The following ARID1B variants were observed in gnomAD, a reference collection of about 807,000 sequenced individuals.
The protein encoded by ARID1B is AT-rich interactive domain-containing protein 1B.
In ARID1B, 30 loss-of-function variants were observed where a neutral mutation model predicts 212.3. The observed-to-expected ratio is 0.14, with a 90% CI of 0.11 to 0.19. The LOEUF is 0.19. ARID1B is among the 10% of genes least tolerant of loss of function. The pLI, the probability that ARID1B is intolerant of heterozygous loss-of-function variation, is 1.00. For synonymous variants in ARID1B, 1,402 were observed against 1,301.7 expected (o/e 1.08, Z -1.66); for missense variants, 2,891 against 3,204.0 (o/e 0.90, Z 2.36).
At chr6:157,197,689 T>A (rs571262253) in intron 16 of ARID1B, among the ~76,000 whole-genome samples, 3 of 152,350 alleles carry the variant, frequency 2.0e-5, no homozygotes, top group South Asian at 2.1e-4. Flanking sequence ...GTTTTGTTTC[T>A]GAGGGTCCAG....
intron 4 of ARID1B, among the ~76,000 whole-genome samples, chr6:156,981,357 A>G (rs1326347224): frequency 1.3e-5 from 2 of 152,234 alleles, no homozygotes; most frequent in Non-Finnish European, 2.9e-5. Flanking sequence ...TTCAGAAACA[A>G]AAAGGAGTTA....
intron 2 of ARID1B, among the ~76,000 whole-genome samples, chr6:156,837,373 A>G (rs1015931732): frequency 5.3e-5 from 8 of 152,240 alleles, no homozygotes; most frequent in Non-Finnish European, 4.4e-5. Context: ...TATATATTGA[A>G]CAACATTGGG....
At chr6:156,981,076 T>C (rs1777573574) in intron 4 of ARID1B, among the ~76,000 whole-genome samples, 1 of 152,210 alleles carries the variant, frequency 6.6e-6, no homozygotes, top group Non-Finnish European at 1.5e-5. Context: ...TGGAAAGGTA[T>C]TTCATTTCTT....
intron 4 of ARID1B, among the ~76,000 whole-genome samples, chr6:157,065,324 G>T (rs947034576): frequency 6.6e-6 from 1 of 152,146 alleles, no homozygotes; most frequent in Non-Finnish European, 1.5e-5. Flanking sequence ...TTGGCTCTGG[G>T]TATTAACTGG....
chr6:156,892,419 G>A (rs1331776625), intron 2 of ARID1B, among the ~76,000 whole-genome samples: 1 of 151,922 alleles, frequency 6.6e-6, no homozygotes, highest in Non-Finnish European at 1.5e-5. Flanking sequence ...TTTACATCTA[G>A]GTCTAAAGGC....
At chr6:156,953,558 ACT>A (rs1440955379) in intron 4 of ARID1B, among the ~76,000 whole-genome samples, 2 of 151,976 alleles carry the variant, frequency 1.3e-5, no homozygotes, top group Non-Finnish European at 2.9e-5. Flanking sequence ...TTTTTGTTTT[ACT>A]CTCTCTGTCT....
rs1164148507 is a variant in ARID1B, at chr6:157,174,084, A to G, written c.3312A>G (p.Glu1104=). 1.2e-6 allele frequency: 2 copies of G among 1,614,094 alleles called. No individual in the cohort carries two copies. Among genetic ancestry groups the G allele is most frequent in the African/African-American group, 1.3e-5 (1 of 74,932 alleles). Residue 1104 remains glutamate (E), a synonymous_variant, in exon 10 of 20, where the codon GAA becomes GAG. Coordinates refer to ENST00000636930, the MANE Select transcript of ARID1B (RefSeq NM_001374828.1). ...TGCCTCTCAAAGCAGACGGCAAAGAAGAAGGCACTCCACAGCCCGAGAGCA... is the reference window on the plus strand; with the variant it reads ...TGCCTCTCAAAGCAGACGGCAAAGAGGAAGGCACTCCACAGCCCGAGAGCA... The part of the protein sequence containing the change: ...LPLPLKADGK[E]EGTPQPESKS...
At chr6:156,895,667 T>C (rs890362050) in intron 2 of ARID1B, among the ~76,000 whole-genome samples, 1 of 152,118 alleles carries the variant, frequency 6.6e-6, no homozygotes, top group East Asian at 1.9e-4. Flanking sequence ...TTTAGACATA[T>C]AGAAAAGTAC....
At chr6:156,933,375 C>T (rs764725697) in intron 3 of ARID1B, among the ~76,000 whole-genome samples, 1 of 152,144 alleles carries the variant, frequency 6.6e-6, no homozygotes, top group African/African-American at 2.4e-5. Context: ...GGTGAAGGCC[C>T]CTGAATAGAG....
chr6:156,864,025 A>G (rs1785513969), intron 2 of ARID1B, among the ~76,000 whole-genome samples: 1 of 152,252 alleles, frequency 6.6e-6, no homozygotes, highest in African/African-American at 2.4e-5. Flanking sequence ...ATAATTTTCA[A>G]CCTATAACAG....
Position 157,148,822 on chromosome 6 carries a change from C to G in ARID1B, c.2960C>G (p.Thr987Ser). 2 of 1,613,002 alleles carry G rather than the reference C, an allele frequency of 1.2e-6. No individual in the cohort carries two copies. The highest frequency in any genetic ancestry group is 8.5e-7 in the Non-Finnish European group (1 of 1,179,900). Residue 987 changes from threonine to serine, a missense_variant, in exon 8 of 20, where the codon ACC (threonine) becomes AGC (serine). Physicochemically the swap from Thr to Ser is moderately conservative, Grantham distance 58. Transcript: ENST00000636930. This position sits in a 1 kb window ranked among gnomAD's most constrained non-coding sequence, Gnocchi z 5.6. ...TTTCCTGGAAATATGAGCAGCATGA[C>G]CCCCAGTTCTCCTGGCATGTCTCAG... ...RPFPGNMSSM[T>S]PSSPGMSQQG...
At chr6:156,936,258 C>CT (rs893398528) in intron 4 of ARID1B, 4 of 149,856 alleles carry the variant, frequency 2.7e-5, no homozygotes, top group African/African-American at 1.0e-4. Context: ...AGGAGAATCG[C>CT]TTGAACCCAG....
chr6:156,874,576 C>T (rs1786397689), intron 2 of ARID1B, among the ~76,000 whole-genome samples: 1 of 152,206 alleles, frequency 6.6e-6, no homozygotes. Flanking sequence ...TCTGCAGTCC[C>T]CTTTTCAGTG....
chr6:156,954,894 A>T (rs1351740306), intron 4 of ARID1B, among the ~76,000 whole-genome samples: 1 of 152,176 alleles, frequency 6.6e-6, no homozygotes, highest in Non-Finnish European at 1.5e-5. Context: ...TTGTATAAGC[A>T]CCTCTAAATG....
chr6:156,972,855 A>G (rs1777017398), intron 4 of ARID1B, among the ~76,000 whole-genome samples: 1 of 152,250 alleles, frequency 6.6e-6, no homozygotes, highest in Non-Finnish European at 1.5e-5. Context: ...TTTTCCAGTA[A>G]AAAGACATTT....
intron 4 of ARID1B, among the ~76,000 whole-genome samples, chr6:156,961,730 G>A (rs1237971067): frequency 6.6e-6 from 1 of 151,720 alleles, no homozygotes; most frequent in Non-Finnish European, 1.5e-5. Context: ...GTTGTTTCTT[G>A]AAGTACAAAT....
At chr6:156,780,258 C>T (rs1779155199) in intron 1 of ARID1B, 1 of 152,210 alleles carries the variant, frequency 6.6e-6, no homozygotes, top group Admixed American at 6.5e-5. Context: ...ATCAATTGAA[C>T]TTATTTTGAT....
In ARID1B at chr6:157,056,931, A is replaced by C. The variant is rs111416578; in HGVS notation, c.2248-27731A>C. ...TAAATAAGTTTAAGTTCAGGGGTAC[A>C]TGTGCAGGTTTGTTGTGTAGGTAAG... On this transcript the variant is annotated intron_variant, in intron 4 of 19. Coordinates refer to ENST00000636930, the MANE Select transcript of ARID1B (RefSeq NM_001374828.1). Among the ~76,000 whole-genome samples, 841 of 151,274 alleles carry C rather than the reference A, an allele frequency of 5.6e-3. 13 individuals carry two copies. The highest frequency in any genetic ancestry group is 0.02 in the African/African-American group (812 of 41,170).
intron 8 of ARID1B, among the ~76,000 whole-genome samples, chr6:157,163,063 A>G (rs1791049770): frequency 6.6e-6 from 1 of 152,142 alleles, no homozygotes; most frequent in African/African-American, 2.4e-5. Flanking sequence ...GCTCGTTTCA[A>G]TTCATGTTTT....
Sources: gnomAD v4.1 joint callset for allele counts (sites outside exome capture counted in the v4.1 genomes callset) on GRCh38, gnomAD v4.1.1 for gene constraint, Gnocchi (gnomAD v3.1) non-coding constraint, MANE v1.5 for transcripts, NCBI Gene and HGNC (gene_info 2026-07-23, HGNC 2026-07-21) for gene names.